SPAG16: variants seen among roughly 807,000 people sequenced by gnomAD.
SPAG16 encodes the protein sperm-associated antigen 16 protein.
Under a neutral mutation model 80.4 loss-of-function variants are expected in SPAG16, and 86 were observed. The ratio of observed to expected loss-of-function variants is 1.07; its 90% CI spans 0.90 to 1.28. The LOEUF is 1.28. SPAG16 is among the 50% of genes most tolerant of loss of function. SPAG16 has a pLI of 0.00. For missense variants in SPAG16, 870 were observed against 765.3 expected (o/e 1.14, Z -1.61); for synonymous variants, 294 against 265.9 (o/e 1.11, Z -1.03).
chr2:214,337,933 TGGATTCCTGCTAGAAATTCCTGCTAG>T (rs1043077790), intron 15 of SPAG16, among the ~76,000 whole-genome samples: 1 of 152,180 alleles, frequency 6.6e-6, no homozygotes, highest in Admixed American at 6.5e-5. Context: ...GCAAAGAACT[TGGATTCCTGCTAGAAATTCCTGCTAG>T]AAAGGACATG....
chr2:213,937,172 A>G (rs1255634523), intron 12 of SPAG16, among the ~76,000 whole-genome samples: 1 of 152,112 alleles, frequency 6.6e-6, no homozygotes, highest in African/African-American at 2.4e-5. Flanking sequence ...TGTTCCGTTA[A>G]TATATTTTAT....
intron 15 of SPAG16, among the ~76,000 whole-genome samples, chr2:214,254,480 G>A (rs1318843555): frequency 6.6e-6 from 1 of 152,082 alleles, no homozygotes; most frequent in Non-Finnish European, 1.5e-5. Context: ...AGTTTATTGA[G>A]AGTTTTTAAC....
At chr2:213,962,809 T>A (rs1212957666) in intron 12 of SPAG16, among the ~76,000 whole-genome samples, 1 of 152,196 alleles carries the variant, frequency 6.6e-6, no homozygotes, top group African/African-American at 2.4e-5. Flanking sequence ...TAGAAATGTA[T>A]CCATTTAATC....
chr2:214,272,680 C>T (rs34707976), intron 15 of SPAG16, among the ~76,000 whole-genome samples: 59,586 of 152,026 alleles, frequency 0.39, 14,278 homozygotes, highest in South Asian at 0.56. Context: ...TTTTCTTAAT[C>T]CAGTGTATCA....
intron 15 of SPAG16, among the ~76,000 whole-genome samples, chr2:214,336,199 G>C (rs1265250912): frequency 1.3e-5 from 2 of 152,152 alleles, no homozygotes; most frequent in Admixed American, 1.3e-4. Context: ...GTGAGCTTCA[G>C]GGCATATTAT....
chr2:213,906,259 A>T (rs71426349), intron 11 of SPAG16, among the ~76,000 whole-genome samples: 1 of 152,116 alleles, frequency 6.6e-6, no homozygotes, highest in Non-Finnish European at 1.5e-5. Flanking sequence ...AATCGCATAT[A>T]CAATAGAAAC....
intron 13 of SPAG16, among the ~76,000 whole-genome samples, chr2:214,097,432 G>A (rs980057539): frequency 2.6e-5 from 4 of 152,052 alleles, no homozygotes; most frequent in African/African-American, 9.7e-5. Flanking sequence ...GCTAAGTACA[G>A]AAGGTTCTGT....
At chr2:214,363,224 T>C (rs1224999968) in intron 15 of SPAG16, among the ~76,000 whole-genome samples, 2 of 151,962 alleles carry the variant, frequency 1.3e-5, no homozygotes, top group East Asian at 3.8e-4. Flanking sequence ...ATGTACTACC[T>C]GTACTTCTGC....
intron 10 of SPAG16, among the ~76,000 whole-genome samples, chr2:213,637,195 G>GT (rs2062396300): frequency 6.6e-6 from 1 of 152,088 alleles, no homozygotes; most frequent in South Asian, 2.1e-4. Flanking sequence ...TGCTTTTTCT[G>GT]TATCTATTGA....
chr2:214,122,542 A>C (rs2054271415), intron 14 of SPAG16, among the ~76,000 whole-genome samples: 1 of 151,932 alleles, frequency 6.6e-6, no homozygotes, highest in Non-Finnish European at 1.5e-5. Context: ...AAGTTCAAAC[A>C]GCAAGCACTC....
chr2:214,250,733 GATAT>G (rs59644776), intron 15 of SPAG16, among the ~76,000 whole-genome samples: 9,269 of 112,006 alleles, frequency 0.083, 561 homozygotes, highest in African/African-American at 0.16. Context: ...GGAGCTTTGA[GATAT>G]ATATATATAT....
At chr2:213,460,880 C>T (rs1420437918) in intron 9 of SPAG16, among the ~76,000 whole-genome samples, 1 of 152,102 alleles carries the variant, frequency 6.6e-6, no homozygotes, top group Non-Finnish European at 1.5e-5. Context: ...ATAGTACATA[C>T]CACCTAGTGA....
At chr2:213,820,353 C>A (rs1170549138) in intron 10 of SPAG16, among the ~76,000 whole-genome samples, 1 of 151,342 alleles carries the variant, frequency 6.6e-6, no homozygotes, top group Non-Finnish European at 1.5e-5. Flanking sequence ...TTTTTGGTAA[C>A]CTTTTTTTTG....
chr2:213,431,666 C>A (rs186622595), intron 9 of SPAG16, among the ~76,000 whole-genome samples: 1 of 152,112 alleles, frequency 6.6e-6, no homozygotes, highest in Admixed American at 6.5e-5. Context: ...GATTTCAACA[C>A]CCTACGGACA....
At chr2:214,244,606 T>C (rs993241450) in intron 15 of SPAG16, among the ~76,000 whole-genome samples, 3 of 152,094 alleles carry the variant, frequency 2.0e-5, no homozygotes, top group South Asian at 2.1e-4. Context: ...TGAGCTTCTA[T>C]ATTATTAAAA....
chr2:214,244,519 A>G (rs956134436), intron 15 of SPAG16, among the ~76,000 whole-genome samples: 5 of 152,110 alleles, frequency 3.3e-5, no homozygotes, highest in African/African-American at 1.2e-4. Context: ...AAGCCAAGTA[A>G]GGATTTAATA....
rs79574940 is a variant in SPAG16 at position 213,310,201 on chromosome 2, G to A, written c.398+24G>A. The A allele has an allele frequency of 0.01, 15,094 of 1,465,246 alleles. 1,273 individuals are homozygous for A. The Admixed American group carries it at 0.15, about 15-fold the overall frequency. The allele number at this position is 1,465,246 out of a possible 1,614,324, so 90.8% of individuals were successfully genotyped here. On this transcript the variant is annotated intron_variant, in intron 4 of 15. Transcript: ENST00000331683. ...TGGTAAACAATTATGTAGATAAATA[G>A]TTCTCTTAAAATTCTAACATTTAAC...
chr2:214,352,558 C>CTGTGTG (rs761835945), intron 15 of SPAG16, among the ~76,000 whole-genome samples: 3 of 142,466 alleles, frequency 2.1e-5, no homozygotes, highest in African/African-American at 8.5e-5. Flanking sequence ...CTTTTTTTCT[C>CTGTGTG]TGTGTGTGTG....
chr2:213,621,516 G>A (rs568214472), intron 10 of SPAG16, among the ~76,000 whole-genome samples: 16 of 152,208 alleles, frequency 1.1e-4, no homozygotes, highest in African/African-American at 2.4e-4. Flanking sequence ...TTCAGGAGGC[G>A]AAATATTGAT....
Sources: allele counts gnomAD v4.1 joint callset (sites outside exome capture counted in the v4.1 genomes callset), GRCh38; gene constraint gnomAD v4.1.1; transcripts MANE v1.5; gene names NCBI Gene and HGNC (gene_info 2026-07-23, HGNC 2026-07-21).